The following RANBP2 variants were observed in gnomAD, a reference collection of about 807,000 sequenced individuals.
RANBP2 encodes the protein RAN binding protein 2, also known as E3 SUMO-protein ligase RanBP2.
Under a neutral mutation model 303.6 loss-of-function variants are expected in RANBP2, and 57 were observed. The observed-to-expected ratio is 0.19, with a 90% CI of 0.15 to 0.23. The LOEUF (loss-of-function observed/expected upper bound fraction) is 0.23. RANBP2 is among the 10% of genes least tolerant of loss of function. The probability of loss-of-function intolerance (pLI) is 1.00; values close to 1 mark genes in which losing one functional copy is unlikely to be tolerated. For missense variants in RANBP2, 3,138 were observed against 3,780.8 expected (o/e 0.83, Z 4.46); for synonymous variants, 1,167 against 1,301.5 (o/e 0.90, Z 2.23).
the RANBP2 span, among the ~76,000 whole-genome samples, chr2:109,093,484 C>G: frequency 6.6e-6 from 1 of 151,226 alleles, no homozygotes; most frequent in Admixed American, 6.6e-5. Flanking sequence ...TTTGAGACAC[C>G]TTATGTGTCC....
the RANBP2 span, among the ~76,000 whole-genome samples, chr2:109,733,447 T>C: frequency 1.3e-5 from 2 of 152,160 alleles, no homozygotes; most frequent in Non-Finnish European, 2.9e-5. Context: ...AGTGTGTTTC[T>C]GGAAAACTTA....
At chr2:108,783,186 C>T (rs1397966320) in intron 28 of RANBP2, among the ~76,000 whole-genome samples, 1 of 151,292 alleles carries the variant, frequency 6.6e-6, no homozygotes, top group East Asian at 1.9e-4. Flanking sequence ...CAAAAAAATA[C>T]AAAAATTAGC....
the RANBP2 span, among the ~76,000 whole-genome samples, chr2:109,607,165 A>G: frequency 6.6e-6 from 1 of 152,232 alleles, no homozygotes; most frequent in African/African-American, 2.4e-5. Context: ...TAAAGGTAGT[A>G]TAAATCATAA....
chr2:108,830,803 C>T, the RANBP2 span, among the ~76,000 whole-genome samples: 259 of 151,094 alleles, frequency 1.7e-3, 1 homozygote, highest in African/African-American at 3.4e-3. Context: ...AGCAAAACTC[C>T]GTCTCAAATA....
chr2:109,170,536 G>A, the RANBP2 span, among the ~76,000 whole-genome samples: 1 of 151,922 alleles, frequency 6.6e-6, no homozygotes. Context: ...AGTAGAGATG[G>A]GGTTTCACTA....
At chr2:109,094,846 C>A in the RANBP2 span, among the ~76,000 whole-genome samples, 3 of 151,786 alleles carry the variant, frequency 2.0e-5, no homozygotes, top group Admixed American at 1.3e-4. Flanking sequence ...AACAAACAAA[C>A]AAACAAAAAA....
the RANBP2 span, among the ~76,000 whole-genome samples, chr2:109,184,664 C>T: frequency 6.6e-6 from 1 of 152,206 alleles, no homozygotes; most frequent in African/African-American, 2.4e-5. Flanking sequence ...GGTCCCAGCC[C>T]ACACTGGGCT....
chr2:108,805,815 C>G, the RANBP2 span, among the ~76,000 whole-genome samples: 7 of 151,474 alleles, frequency 4.6e-5, no homozygotes, highest in Non-Finnish European at 8.8e-5. Context: ...TTTTTTCCTT[C>G]CATCTGCCAG....
the RANBP2 span, among the ~76,000 whole-genome samples, chr2:109,536,870 C>G: frequency 6.6e-6 from 1 of 152,168 alleles, no homozygotes; most frequent in East Asian, 1.9e-4. Flanking sequence ...AGGAGTTCCC[C>G]TGCACAAGCT....
chr2:108,813,983 A>G, the RANBP2 span, among the ~76,000 whole-genome samples: 1 of 152,140 alleles, frequency 6.6e-6, no homozygotes, highest in Non-Finnish European at 1.5e-5. Flanking sequence ...TTGTTCCTTC[A>G]TTCTTCTGTT....
the RANBP2 span, among the ~76,000 whole-genome samples, chr2:109,012,707 G>A: frequency 6.6e-6 from 1 of 152,198 alleles, no homozygotes; most frequent in South Asian, 2.1e-4. Flanking sequence ...GAGGTCAGGA[G>A]ATCGAGACCA....
At chr2:109,308,146 T>C in the RANBP2 span, among the ~76,000 whole-genome samples, 1 of 142,070 alleles carries the variant, frequency 7.0e-6, no homozygotes, top group Admixed American at 6.9e-5. Context: ...CTCATTGTGG[T>C]TTTGATTTGC....
At chr2:109,697,508 T>C in the RANBP2 span, among the ~76,000 whole-genome samples, 9 of 152,040 alleles carry the variant, frequency 5.9e-5, no homozygotes, top group East Asian at 1.4e-3. Flanking sequence ...AAAAGAGGCT[T>C]TTTTCCCCTG....
the RANBP2 span, among the ~76,000 whole-genome samples, chr2:109,549,184 C>T: frequency 1.3e-5 from 2 of 152,140 alleles, no homozygotes; most frequent in African/African-American, 2.4e-5. Context: ...TCTCTGCACA[C>T]GTGTGCATCG....
the RANBP2 span, among the ~76,000 whole-genome samples, chr2:109,133,382 T>C: frequency 3.3e-5 from 5 of 152,246 alleles, no homozygotes; most frequent in African/African-American, 9.6e-5. Flanking sequence ...GAGAAAATAA[T>C]TTAAGTTGGA....
the RANBP2 span, among the ~76,000 whole-genome samples, chr2:108,836,239 T>C: frequency 6.6e-6 from 1 of 152,246 alleles, no homozygotes; most frequent in African/African-American, 2.4e-5. Flanking sequence ...ATTTCTCATA[T>C]GGATGGAATC....
At chr2:109,367,119 A>ATTTTTTTTTTTTTTTTTTT in the RANBP2 span, among the ~76,000 whole-genome samples, 1 of 113,292 alleles carries the variant, frequency 8.8e-6, no homozygotes, top group African/African-American at 3.5e-5. Context: ...TGCCCTGGTA[A>ATTTTTTTTTTTTTTTTTTT]TTTTTTTTTT....
At chr2:108,926,243 G>A in the RANBP2 span, among the ~76,000 whole-genome samples, 2 of 152,180 alleles carry the variant, frequency 1.3e-5, no homozygotes, top group East Asian at 1.9e-4. Flanking sequence ...CGGTCCCTTC[G>A]TCTTTCTGGA....
At chr2:109,150,436 C>T in the RANBP2 span, among the ~76,000 whole-genome samples, 1 of 152,142 alleles carries the variant, frequency 6.6e-6, no homozygotes, top group African/African-American at 2.4e-5. Context: ...CTACTCTGCT[C>T]ATTATTTCAC....
Sources: gnomAD v4.1 joint callset for allele counts (sites outside exome capture counted in the v4.1 genomes callset) on GRCh38, gnomAD v4.1.1 for gene constraint, MANE v1.5 for transcripts, NCBI Gene and HGNC (gene_info 2026-07-23, HGNC 2026-07-21) for gene names.